SNX19: variants seen among roughly 807,000 people sequenced by gnomAD.
SNX19 encodes sorting nexin-19.
In SNX19, 60 loss-of-function variants were observed where a neutral mutation model predicts 85.2. The ratio of observed to expected loss-of-function variants is 0.70; its 90% CI spans 0.57 to 0.87. SNX19 has a LOEUF of 0.87. Ranked by LOEUF, SNX19 falls within the 40% of genes least tolerant of loss-of-function variation. The pLI is 0.00. For synonymous variants in SNX19, 520 were observed against 470.0 expected (o/e 1.11, Z -1.38); for missense variants, 1,201 against 1,217.8 (o/e 0.99, Z 0.21).
Position 130,906,657 on chromosome 11 carries a change from T to C in SNX19, c.2230A>G (p.Lys744Glu), listed in dbSNP as rs1301418674. The stretch of plus-strand genomic sequence containing the variant: ...CCTTCCTGGAGACAATAAAGAATCT[T>C]GTCTTGTGCTTCAGTCACACTTAGT... The part of the protein sequence containing the change: ...PALSVTEAQD[K>E]ILYCLQEGNV... The change falls in exon 6 of 11, where the codon AAG becomes GAG. Residue 744 changes from lysine to glutamate, a missense_variant. Around this residue, in one of 3 missense-constraint regions of SNX19, gnomAD observed 285 missense variants for 295.3 expected, o/e 0.97. Transcript: ENST00000265909. 5.0e-6 allele frequency: 8 copies of C among 1,613,168 alleles called. No individual in the cohort carries two copies. In the Admixed American group the frequency reaches 1.3e-4, roughly 27 times the overall value.
intron 6 of SNX19, among the ~76,000 whole-genome samples, chr11:130,906,403 C>T (rs1040849715): frequency 6.6e-6 from 1 of 152,094 alleles, no homozygotes; most frequent in Non-Finnish European, 1.5e-5. Context: ...ATCCATTATC[C>T]GAAACCCACC....
chr11:130,900,724 C>T lies in SNX19; in HGVS notation c.2573+2531G>A, dbSNP rs1007894045. Among the ~76,000 whole-genome samples the T allele has an allele frequency of 9.2e-5, 14 of 151,878 alleles. 1 individual carries two copies. On this transcript the variant is annotated intron_variant, in intron 8 of 10. Coordinates refer to ENST00000265909, the MANE Select transcript of SNX19 (RefSeq NM_014758.3). ...GAAACCAATCTGTCATGTAAATGAC[C>T]TCAAGGAGAAGGGGTCATATTAGAT... is the stretch of plus-strand genomic sequence containing the variant.
intron 5 of SNX19, among the ~76,000 whole-genome samples, chr11:130,907,349 T>C (rs73028852): frequency 0.16 from 24,125 of 152,018 alleles, 2,173 homozygotes; most frequent in Middle Eastern, 0.25. Context: ...CATACACACA[T>C]GCTCTCTCTT....
chr11:130,907,925 G>T (rs1359952307), intron 5 of SNX19, 28 bp downstream of exon 5: 7 of 1,611,332 alleles, frequency 4.3e-6, no homozygotes, highest in South Asian at 1.1e-5. Flanking sequence ...ACTGGGGAAA[G>T]GTCCCTGGGT....
intron 4 of SNX19, 139 bp from the exon 5 acceptor site, chr11:130,908,222 A>G: frequency 1.2e-6 from 1 of 853,096 alleles, no homozygotes; most frequent in Admixed American, 3.3e-5. Flanking sequence ...ATCCAGTAGG[A>G]AGGTCGAATA....
intron 8 of SNX19, among the ~76,000 whole-genome samples, chr11:130,899,558 G>A (rs911335459): frequency 1.3e-5 from 2 of 152,242 alleles, no homozygotes; most frequent in African/African-American, 4.8e-5. Flanking sequence ...ATTCTAGTCT[G>A]TGGAAGCTTG....
chr11:130,911,792 T>C, intron 1 of SNX19, 21 bp from the exon 2 acceptor site: 1 of 1,610,674 alleles, frequency 6.2e-7, no homozygotes, highest in Non-Finnish European at 8.5e-7. Context: ...AACAAATTGA[T>C]TGACTCAATC....
rs371167065 is a variant in SNX19 at position 130,910,343 on chromosome 11, G to A, written c.1841C>T (p.Pro614Leu). 6.2e-7 allele frequency: 1 copy of A among 1,609,860 alleles called. No homozygotes were observed. Among genetic ancestry groups the A allele is most frequent in the African/African-American group, 1.3e-5 (1 of 74,248 alleles). Reference protein sequence around the residue: ...KNVKGPKKLFPDLPLGNMDSD... With the variant: ...KNVKGPKKLFLDLPLGNMDSD... Reference sequence around the variant, plus strand: ...GTCCATGTTTCCCAATGGAAGATCTGGAAAGAGCTTTTTAGGACCCTTCAC... The same window carrying A: ...GTCCATGTTTCCCAATGGAAGATCTAGAAAGAGCTTTTTAGGACCCTTCAC... Residue 614 changes from proline (P) to leucine (L), a missense_variant, in exon 3 of 11, where the codon CCA becomes CTA. Physicochemically the swap from Pro to Leu is moderately conservative, Grantham distance 98. Coordinates refer to ENST00000265909, the MANE Select transcript of SNX19 (RefSeq NM_014758.3).
intron 4 of SNX19, among the ~76,000 whole-genome samples, chr11:130,909,015 C>G (rs1380522537): frequency 6.6e-6 from 1 of 152,148 alleles, no homozygotes; most frequent in Non-Finnish European, 1.5e-5. Flanking sequence ...GAGAACAAAC[C>G]AGGGAAAGAA....
intron 8 of SNX19, among the ~76,000 whole-genome samples, chr11:130,889,001 A>G (rs919121156): frequency 6.6e-6 from 1 of 152,218 alleles, no homozygotes; most frequent in Non-Finnish European, 1.5e-5. Context: ...TGAATGAATG[A>G]ATAAATGCTT....
rs1448030730 is a variant in SNX19, at chr11:130,875,007, T to G, written c.*3415A>C. Among the ~76,000 whole-genome samples the G allele has an allele frequency of 6.6e-6, 1 of 152,186 alleles. No individual in the cohort carries two copies. Among genetic ancestry groups the G allele is most frequent in the African/African-American group, 2.4e-5 (1 of 41,438 alleles). The stretch of plus-strand genomic sequence containing the variant: ...CAATATATGATCCAGCAATCCTACT[T>G]CTGGGTATTTATCTAAAATAATTAA... On this transcript the variant is annotated 3_prime_UTR_variant, in exon 11 of 11. Coordinates refer to ENST00000265909, the MANE Select transcript of SNX19 (RefSeq NM_014758.3).
intron 8 of SNX19, among the ~76,000 whole-genome samples, chr11:130,897,054 C>T (rs1216807086): frequency 6.6e-6 from 1 of 152,126 alleles, no homozygotes; most frequent in Non-Finnish European, 1.5e-5. Context: ...CAGCACAGCA[C>T]TCTCCAGTGC....
rs1468577257 is a variant in SNX19 at position 130,867,711 on chromosome 11, C to T, written c.*10711G>A. On this transcript the variant is annotated 3_prime_UTR_variant, in exon 11 of 11. Coordinates refer to ENST00000265909, the MANE Select transcript of SNX19 (RefSeq NM_014758.3). ...GCATTTTTAGGACAAACATGGAGAC[C>T]ATCATCGTTGTTCCGGAATCTGGCC... 6.6e-6 allele frequency: 1 copy of T among 152,094 alleles called. No individual in the cohort carries two copies. The highest frequency in any genetic ancestry group is 1.5e-5 in the Non-Finnish European group (1 of 68,032). The allele number at this position is 152,094 out of a possible 1,614,324, so 9.4% of individuals were successfully genotyped here. A position where few individuals can be genotyped will look rare whatever the true frequency, so the allele number is the denominator to read the frequency against.
intron 8 of SNX19, chr11:130,895,252 C>T (rs1944799019): frequency 1.0e-6 from 1 of 985,224 alleles, no homozygotes; most frequent in Non-Finnish European, 1.2e-6. Context: ...AATCAGAATT[C>T]CCCAATTAAC....
intron 8 of SNX19, among the ~76,000 whole-genome samples, chr11:130,892,135 C>A (rs1054741704): frequency 6.6e-6 from 1 of 150,466 alleles, no homozygotes; most frequent in Non-Finnish European, 1.5e-5. Flanking sequence ...TGAGCCACTG[C>A]GCCCGGCCAA....
At chr11:130,912,323 T>C (rs1203959305) in intron 1 of SNX19, among the ~76,000 whole-genome samples, 1 of 152,220 alleles carries the variant, frequency 6.6e-6, no homozygotes, top group African/African-American at 2.4e-5. Context: ...CCTAAGTACG[T>C]ATCATCTGTA....
intron 4 of SNX19, chr11:130,908,366 T>C (rs1945836742): frequency 4.1e-6 from 1 of 244,750 alleles, no homozygotes; most frequent in Non-Finnish European, 7.8e-6. Context: ...AAAACCTGAG[T>C]TCTGCGGGCT....
At position 130,905,802 on chromosome 11, in the gene SNX19, C is replaced by G. The variant is rs1257399671; in HGVS notation, c.2443+151G>C. ...ACTATGTACTACTCATCTCTGTGCC[C>G]CAACACAGCACCTCCAACACTGGAG... On this transcript the variant is annotated intron_variant, in intron 7 of 10. Transcript: ENST00000265909. The G allele has an allele frequency of 2.6e-6, 4 of 1,542,084 alleles. No homozygotes were observed. In the East Asian group the frequency reaches 9.7e-5, roughly 38 times the overall value.
chr11:130,878,386 A>G lies in SNX19; in HGVS notation c.*36T>C. 1 of 1,601,864 alleles carries G rather than the reference A, an allele frequency of 6.2e-7. No homozygotes were observed. The highest frequency in any genetic ancestry group is 8.5e-7 in the Non-Finnish European group (1 of 1,172,890). The stretch of plus-strand genomic sequence containing the variant: ...TGGTCTCTGGTGGCCGAGTAACTCT[A>G]CTTCCCTGACCTGGGAAGAAGGCGT... On this transcript the variant is annotated 3_prime_UTR_variant, in exon 11 of 11. Transcript: ENST00000265909.
Sources: allele counts gnomAD v4.1 joint callset (sites outside exome capture counted in the v4.1 genomes callset), GRCh38; gene constraint gnomAD v4.1.1; regional missense constraint gnomAD v4.1.1; transcripts MANE v1.5; gene names NCBI Gene and HGNC (gene_info 2026-07-23, HGNC 2026-07-21).